The following MPDZ variants were observed in gnomAD, a reference collection of about 807,000 sequenced individuals.
MPDZ encodes multiple PDZ domain protein.
MPDZ carries 234 observed loss-of-function variants against 239.1 expected under a neutral mutation model. That is an observed-to-expected ratio of 0.98 (90% CI 0.88 to 1.09). The LOEUF (loss-of-function observed/expected upper bound fraction) is 1.09, where lower values mean the gene tolerates loss of function less well. Among genes scored for constraint, MPDZ ranks in the 50% least tolerant of loss-of-function variants. The probability of loss-of-function intolerance (pLI) is 0.00; values close to 1 mark genes in which losing one functional copy is unlikely to be tolerated. For missense variants in MPDZ, 3,175 were observed against 2,510.0 expected (o/e 1.26, Z -5.66); for synonymous variants, 1,048 against 881.3 (o/e 1.19, Z -3.35).
intron 11 of MPDZ, 114 bp from the exon 12 acceptor site, chr9:13,205,221 T>C (rs1281482401): frequency 9.3e-6 from 5 of 536,538 alleles, no homozygotes; most frequent in Non-Finnish European, 1.2e-5. Flanking sequence ...TTTTCAGAGA[T>C]AAACTTCTCA....
intron 12 of MPDZ, among the ~76,000 whole-genome samples, chr9:13,200,132 C>T (rs972071858): frequency 1.2e-4 from 18 of 151,528 alleles, no homozygotes; most frequent in Non-Finnish European, 1.5e-4. Context: ...GTTACTGGTC[C>T]GTTCAAGTTT....
chr9:13,205,100 A>G lies in MPDZ; in HGVS notation c.1482T>C (p.Tyr494=). ...AAGATAAAAAATCTTCATCTTTTTC[A>G]TAATTTTCTTAAAGATAAAAATATT... ...PVNASIIKEN[Y]EKDEDFLSST... The change falls in exon 12 of 47, where the codon TAT becomes TAC. Residue 494 remains tyrosine, a synonymous_variant. Coordinates refer to ENST00000319217, the MANE Select transcript of MPDZ (RefSeq NM_001378778.1). 2 of 1,415,768 alleles carry G rather than the reference A, an allele frequency of 1.4e-6. No individual in the cohort carries two copies. Among genetic ancestry groups the G allele is most frequent in the East Asian group, 2.7e-5 (1 of 36,754 alleles). 87.7% of individuals were successfully genotyped at this position (1,415,768 alleles called of 1,614,324 possible).
chr9:13,222,366 G>A lies in MPDZ; in HGVS notation c.614C>T (p.Ala205Val). ...ALDQTITHQQ[A>V]ISILQKAKDT... ...TTTGGCTTTCTGCAGGATGCTGATAGCCTGCTGATGTGTAATTGTCTGATC... is the reference window on the plus strand; with the variant it reads ...TTTGGCTTTCTGCAGGATGCTGATAACCTGCTGATGTGTAATTGTCTGATC... Residue 205 changes from alanine to valine, a missense_variant, in exon 6 of 47, where the codon GCT (alanine) becomes GTT (valine). Transcript: ENST00000319217. 6.2e-7 allele frequency: 1 copy of A among 1,612,840 alleles called. No individual in the cohort carries two copies. The highest frequency in any genetic ancestry group is 8.5e-7 in the Non-Finnish European group (1 of 1,179,228).
Position 13,221,488 on chromosome 9 carries a change from G to C in MPDZ, c.760C>G (p.His254Asp). 6.2e-7 allele frequency: 1 copy of C among 1,610,078 alleles called. No individual in the cohort carries two copies. The part of the protein sequence containing the change: ...SAHSNPVHWQ[H>D]METIELVNDG... The stretch of plus-strand genomic sequence containing the variant: ...TTCACCAATTCAATCGTTTCCATGT[G>C]TTGCCAGTGAACCTACAAACAAAGC... The change falls in exon 7 of 47, where the codon CAC becomes GAC. Residue 254 changes from histidine (H) to aspartate (D), a missense_variant. Transcript: ENST00000319217.
At chr9:13,126,075 A>T (rs1945066330) in intron 34 of MPDZ, among the ~76,000 whole-genome samples, 1 of 152,198 alleles carries the variant, frequency 6.6e-6, no homozygotes, top group Non-Finnish European at 1.5e-5. Flanking sequence ...AAGTATTAAG[A>T]TCTCTTTTGA....
chr9:13,110,079 AG>A lies in MPDZ; in HGVS notation c.5830-16del. Reference sequence around the variant, plus strand: ...CCAGCAACCACCTGCGCACAGGAGGAGGATAAACAGAAAAAACACATGTTCC... The same window carrying A: ...CCAGCAACCACCTGCGCACAGGAGGAGATAAACAGAAAAAACACATGTTCC... On this transcript the variant is annotated splice_polypyrimidine_tract_variant and intron_variant, in intron 44 of 46. Transcript: ENST00000319217. The A allele has an allele frequency of 2.5e-6, 4 of 1,591,772 alleles. No homozygotes were observed. Among genetic ancestry groups the A allele is most frequent in the Non-Finnish European group, 3.4e-6 (4 of 1,167,350 alleles).
At chr9:13,265,957 G>T (rs1365262853) in intron 1 of MPDZ, among the ~76,000 whole-genome samples, 1 of 152,126 alleles carries the variant, frequency 6.6e-6, no homozygotes, top group East Asian at 1.9e-4. Context: ...ATTCTCCCAA[G>T]ATCATTTTCT....
At chr9:13,265,443 C>T (rs753906399) in intron 1 of MPDZ, among the ~76,000 whole-genome samples, 12 of 152,142 alleles carry the variant, frequency 7.9e-5, no homozygotes, top group Non-Finnish European at 1.8e-4. Flanking sequence ...GTGGCGCATG[C>T]CTGTAATCCC....
chr9:13,221,867 C>A (rs932344294), intron 6 of MPDZ, among the ~76,000 whole-genome samples: 1 of 151,712 alleles, frequency 6.6e-6, no homozygotes, highest in Non-Finnish European at 1.5e-5. Context: ...AGGCAGGATT[C>A]CAAATTAGAT....
chr9:13,235,449 C>T (rs191409673), intron 3 of MPDZ, among the ~76,000 whole-genome samples: 1 of 152,246 alleles, frequency 6.6e-6, no homozygotes, highest in Admixed American at 6.5e-5. Flanking sequence ...ATTAAAGTGA[C>T]AAAATGCTTT....
chr9:13,127,431 A>G (rs1230434888), intron 32 of MPDZ, among the ~76,000 whole-genome samples: 1 of 152,242 alleles, frequency 6.6e-6, no homozygotes, highest in African/African-American at 2.4e-5. Flanking sequence ...AAATGTTCAG[A>G]AATATTGGCT....
intron 21 of MPDZ, among the ~76,000 whole-genome samples, chr9:13,170,414 C>T (rs764238811): frequency 6.6e-6 from 1 of 152,014 alleles, no homozygotes; most frequent in Non-Finnish European, 1.5e-5. Flanking sequence ...CTCATACTAA[C>T]GATTTTGAAG....
intron 23 of MPDZ, among the ~76,000 whole-genome samples, chr9:13,159,176 C>T (rs368245402): frequency 6.6e-6 from 1 of 152,146 alleles, no homozygotes; most frequent in East Asian, 1.9e-4. Context: ...AGCTTGAATG[C>T]GCTTTGCAAC....
chr9:13,131,616 T>C (rs1027291452), intron 32 of MPDZ, among the ~76,000 whole-genome samples: 1 of 152,088 alleles, frequency 6.6e-6, no homozygotes, highest in Admixed American at 6.5e-5. Context: ...TTACCTAACC[T>C]CTCCACTGAT....
Position 13,122,327 on chromosome 9 carries a change from A to C in MPDZ, c.4954-157T>G, listed in dbSNP as rs1219143298. Among the ~76,000 whole-genome samples the C allele has an allele frequency of 3.3e-5, 5 of 152,192 alleles. No homozygotes were observed. In the East Asian group the frequency reaches 7.7e-4, roughly 23 times the overall value. On this transcript the variant is annotated intron_variant, in intron 36 of 46. Transcript: ENST00000319217. ...CTCCATATAATTCAAGGGAAAGTGTAACAACAATTTTTGCTAAAAGGCTCA... is the reference window on the plus strand; with the variant it reads ...CTCCATATAATTCAAGGGAAAGTGTCACAACAATTTTTGCTAAAAGGCTCA...
chr9:13,127,209 T>G (rs1456189337), intron 32 of MPDZ, among the ~76,000 whole-genome samples: 1 of 152,162 alleles, frequency 6.6e-6, no homozygotes, highest in Non-Finnish European at 1.5e-5. Context: ...TTTCTGCCCC[T>G]CTTCTTCCTT....
At chr9:13,121,264 C>A (rs1169168132) in intron 38 of MPDZ, among the ~76,000 whole-genome samples, 1 of 152,128 alleles carries the variant, frequency 6.6e-6, no homozygotes, top group Non-Finnish European at 1.5e-5. Context: ...TCAGCTCAGA[C>A]ACCTTTTTTC....
intron 26 of MPDZ, among the ~76,000 whole-genome samples, chr9:13,146,421 T>C (rs1177691944): frequency 6.6e-6 from 1 of 152,110 alleles, no homozygotes; most frequent in Admixed American, 6.6e-5. Context: ...ACTGAGCCCT[T>C]ATATCTTAAA....
chr9:13,143,755 C>T (rs928756426), intron 26 of MPDZ, among the ~76,000 whole-genome samples, 191 bp from the exon 27 acceptor site: 1 of 152,074 alleles, frequency 6.6e-6, no homozygotes, highest in African/African-American at 2.4e-5. Context: ...TGAATCTATA[C>T]CTGAGTCTAA....
Sources: gnomAD v4.1 joint callset for allele counts (sites outside exome capture counted in the v4.1 genomes callset) on GRCh38, gnomAD v4.1.1 for gene constraint, MANE v1.5 for transcripts, NCBI Gene and HGNC (gene_info 2026-07-23, HGNC 2026-07-21) for gene names.